KCNC2: variants seen among roughly 807,000 people sequenced by gnomAD.
KCNC2 encodes the protein voltage-gated potassium channel KCNC2.
A neutral mutation model predicts 44.5 loss-of-function variants in KCNC2; 21 were observed. That is an observed-to-expected ratio of 0.47 (90% CI 0.33 to 0.68). The LOEUF is 0.68. Among genes scored for constraint, KCNC2 ranks in the 30% least tolerant of loss-of-function variants. The pLI is 0.01. For missense variants in KCNC2, 589 were observed against 826.2 expected (o/e 0.71, Z 3.52); for synonymous variants, 391 against 339.1 (o/e 1.15, Z -1.68).
At chr12:75,129,227 T>C (rs1209615646) in intron 2 of KCNC2, among the ~76,000 whole-genome samples, 1 of 152,150 alleles carries the variant, frequency 6.6e-6, no homozygotes, top group Non-Finnish European at 1.5e-5. Flanking sequence ...GAACTAGTCC[T>C]CAAGTACATT....
intron 2 of KCNC2, among the ~76,000 whole-genome samples, chr12:75,126,042 G>A (rs1437266689): frequency 1.3e-5 from 2 of 151,998 alleles, no homozygotes; most frequent in African/African-American, 4.8e-5. Flanking sequence ...AGGTAACTAA[G>A]AACAAAAGAT....
chr12:75,207,767 C>T lies in KCNC2; in HGVS notation c.217G>A (p.Gly73Arg), dbSNP rs766476433. The change falls in exon 2 of 5, where the codon GGG becomes AGG. Residue 73 changes from glycine to arginine, a missense_variant. Gly to Arg is a moderately radical substitution (Grantham distance 125). Transcript: ENST00000549446. The surrounding 1 kb of genome is among the most constrained non-coding windows in gnomAD (Gnocchi z 4.1). ...CCGCCCTCGAAGCAGCCGCCTGGCC[C>T]GGGGGACAGCGGGGGCGCTCTCGGC... ...PPPRAPPLSP[G>R]PGGCFEGGAG... 6.4e-7 allele frequency: 1 copy of T among 1,572,434 alleles called. No homozygotes were observed. Among genetic ancestry groups the T allele is most frequent in the South Asian group, 1.1e-5 (1 of 87,574 alleles).
Position 75,109,228 on chromosome 12 carries a change from A to G in KCNC2, c.688-57911T>C, listed in dbSNP as rs75686913. Among the ~76,000 whole-genome samples, 1,322 of 152,322 alleles carry G rather than the reference A, an allele frequency of 8.7e-3. 27 individuals carry two copies. Among genetic ancestry groups the G allele is most frequent in the African/African-American group, 0.03 (1,232 of 41,568 alleles). On this transcript the variant is annotated intron_variant, in intron 2 of 4. Coordinates refer to ENST00000549446, the MANE Select transcript of KCNC2 (RefSeq NM_139137.4). ...GAATACCCGATTATAATCTTACAGA[A>G]AAAGTTGAAGATTCCAAAAGACAAC...
At chr12:75,163,675 C>T (rs899843381) in intron 2 of KCNC2, among the ~76,000 whole-genome samples, 6 of 151,784 alleles carry the variant, frequency 4.0e-5, no homozygotes, top group Non-Finnish European at 5.9e-5. Context: ...AAGCTGGTGA[C>T]GTAATTTCCA....
At chr12:75,182,486 A>AC (rs1303657644) in intron 2 of KCNC2, among the ~76,000 whole-genome samples, 2 of 143,828 alleles carry the variant, frequency 1.4e-5, no homozygotes, top group African/African-American at 5.3e-5. Flanking sequence ...GCGCCACTGC[A>AC]CTCTAGCCTG....
chr12:75,199,834 C>A (rs1397788867), intron 2 of KCNC2, among the ~76,000 whole-genome samples: 1 of 151,754 alleles, frequency 6.6e-6, no homozygotes, highest in African/African-American at 2.4e-5. Context: ...AAGACTTATA[C>A]ACAAAAGGGC....
At chr12:75,046,108 A>G (rs1048602345) in intron 4 of KCNC2, among the ~76,000 whole-genome samples, 6 of 151,794 alleles carry the variant, frequency 4.0e-5, no homozygotes, top group African/African-American at 1.4e-4. Flanking sequence ...CATGCTTAGT[A>G]GGAAAAAACA....
chr12:75,173,969 C>T (rs1410048045), intron 2 of KCNC2, among the ~76,000 whole-genome samples: 1 of 151,684 alleles, frequency 6.6e-6, no homozygotes, highest in Non-Finnish European at 1.5e-5. Flanking sequence ...AAGGTTTTTT[C>T]CAACACAATC....
At chr12:75,101,830 T>A (rs1452094064) in intron 2 of KCNC2, among the ~76,000 whole-genome samples, 1 of 152,086 alleles carries the variant, frequency 6.6e-6, no homozygotes, top group Non-Finnish European at 1.5e-5. Context: ...GTGGCTAAAT[T>A]TAGCAAGCCT....
chr12:75,175,262 T>A (rs1418446337), intron 2 of KCNC2, among the ~76,000 whole-genome samples: 1 of 151,946 alleles, frequency 6.6e-6, no homozygotes, highest in Non-Finnish European at 1.5e-5. Context: ...CTAAAAAAAA[T>A]TCTAGGACAT....
At chr12:75,187,678 ATTTAAG>A (rs1004920590) in intron 2 of KCNC2, among the ~76,000 whole-genome samples, 15 of 152,322 alleles carry the variant, frequency 9.8e-5, no homozygotes, top group African/African-American at 3.4e-4. Flanking sequence ...GCAGACTGTT[ATTTAAG>A]TTTAATTGCC....
chr12:75,151,946 A>C (rs978943640), intron 2 of KCNC2, among the ~76,000 whole-genome samples: 3 of 146,552 alleles, frequency 2.0e-5, no homozygotes, highest in South Asian at 4.2e-4. Flanking sequence ...TTATACATTT[A>C]TATATAATAT....
chr12:75,121,808 G>A (rs1233304462), intron 2 of KCNC2, among the ~76,000 whole-genome samples: 1 of 152,148 alleles, frequency 6.6e-6, no homozygotes, highest in Non-Finnish European at 1.5e-5. Flanking sequence ...TCTCCATTCT[G>A]TTTCTGGCAT....
chr12:75,178,630 C>T (rs1892354374), intron 2 of KCNC2, among the ~76,000 whole-genome samples: 1 of 151,930 alleles, frequency 6.6e-6, no homozygotes, highest in Non-Finnish European at 1.5e-5. Context: ...TCCTTGTAAC[C>T]CTCAAATGGG....
intron 4 of KCNC2, among the ~76,000 whole-genome samples, chr12:75,044,111 A>T (rs188271896): frequency 7.1e-4 from 108 of 152,096 alleles, no homozygotes; most frequent in African/African-American, 2.3e-3. Context: ...ACCTTTGGAA[A>T]TATTTGCATA....
chr12:75,122,527 G>A (rs1049836095), intron 2 of KCNC2, among the ~76,000 whole-genome samples: 23 of 152,204 alleles, frequency 1.5e-4, no homozygotes, highest in Admixed American at 4.6e-4. Context: ...GAACTGATCC[G>A]TAGTCCTACA....
At chr12:75,112,247 A>T (rs1887313659) in intron 2 of KCNC2, among the ~76,000 whole-genome samples, 1 of 151,958 alleles carries the variant, frequency 6.6e-6, no homozygotes, top group Non-Finnish European at 1.5e-5. Context: ...TTCACAAATT[A>T]TTCTCCAACT....
intron 2 of KCNC2, among the ~76,000 whole-genome samples, chr12:75,052,492 T>A (rs1416921057): frequency 1.3e-5 from 2 of 152,152 alleles, no homozygotes; most frequent in African/African-American, 4.8e-5. Context: ...AGATCACTAG[T>A]AATCTGTGAT....
rs199569550 is a variant in KCNC2 at position 75,207,945 on chromosome 12, A to G, written c.39T>C (p.Asn13=). ...AGGTTTCGTGCCGGGTGCCCCCGAC[A>G]TTGAGGATCACCCTCTCGTTGTTCT... is the stretch of plus-strand genomic sequence containing the variant. The part of the protein sequence containing the change: ...KIENNERVIL[N]VGGTRHETYR... Residue 13 remains asparagine, a synonymous_variant, in exon 2 of 5, where the codon AAT becomes AAC. Transcript: ENST00000549446. The surrounding 1 kb of genome is among the most constrained non-coding windows in gnomAD (Gnocchi z 4.1). 2.5e-6 allele frequency: 4 copies of G among 1,612,618 alleles called. No individual in the cohort carries two copies. The highest frequency in any genetic ancestry group is 1.1e-5 in the South Asian group (1 of 91,034).
Sources: allele counts gnomAD v4.1 joint callset (sites outside exome capture counted in the v4.1 genomes callset), GRCh38; gene constraint gnomAD v4.1.1; non-coding constraint Gnocchi (gnomAD v3.1); transcripts MANE v1.5; gene names NCBI Gene and HGNC (gene_info 2026-07-23, HGNC 2026-07-21).